The following POTEJ variants were observed in gnomAD, a reference collection of about 807,000 sequenced individuals.
POTEJ encodes POTE ankyrin domain family, member J.
POTEJ carries 11 observed loss-of-function variants against 69.0 expected under a neutral mutation model. The observed-to-expected ratio is 0.16, with a 90% confidence interval of 0.10 to 0.26. The LOEUF (loss-of-function observed/expected upper bound fraction) is 0.26, where lower values mean the gene tolerates loss of function less well. Among genes scored for constraint, POTEJ ranks in the 10% least tolerant of loss-of-function variants. POTEJ has a pLI of 1.00. For missense variants in POTEJ, 327 were observed against 1,045.5 expected (o/e 0.31, Z 9.48); for synonymous variants, 117 against 381.1 (o/e 0.31, Z 8.07).
rs117510452 is a variant in POTEJ, at chr2:130,656,585, C to A, written c.1825C>A (p.His609Asn). The A allele has an allele frequency of 0.017, 27,722 of 1,605,496 alleles. 2 individuals are homozygous for A. Among genetic ancestry groups the A allele is most frequent in the East Asian group, 0.15 (6,725 of 44,264 alleles). ...LSCKKERDFLHENSMLREEIA... is the reference protein window; with the variant it reads ...LSCKKERDFLNENSMLREEIA... ...TTGTAAGAAAGAAAGAGACTTCTTG[C>A]ATGAAAATAGTATGTTGCGGGAAGA... Residue 609 changes from histidine (H) to asparagine (N), a missense_variant, in exon 15 of 15, where the codon CAT becomes AAT. Transcript: ENST00000409602.
chr2:130,636,468 T>C (rs1349235873), intron 9 of POTEJ, among the ~76,000 whole-genome samples: 2 of 145,418 alleles, frequency 1.4e-5, no homozygotes, highest in East Asian at 3.9e-4. Flanking sequence ...AAATAAAAGG[T>C]TTTTTGTATT....
chr2:130,613,265 CATATATATACATATGT>C lies in POTEJ; in HGVS notation c.410+1331_410+1346del, dbSNP rs1437599909. On this transcript the variant is annotated intron_variant, in intron 1 of 14. Transcript: ENST00000409602. ...ATATACATATATATACACATATATA[CATATATATACATATGT>C]ATATATACATATATATACATATGTA... Among the ~76,000 whole-genome samples the C allele has an allele frequency of 1.3e-3, 73 of 58,112 alleles. 2 individuals carry two copies. The highest frequency in any genetic ancestry group is 9.5e-3 in the African/African-American group (62 of 6,528). 38.1% of individuals were successfully genotyped at this position (58,112 alleles called of 152,430 possible).
rs537219664 is a variant in POTEJ at position 130,657,067 on chromosome 2, C to T, written c.2307C>T (p.Thr769=). ...CCGAGGAGCACCCCATCCTGCTGACCGAGGCCCCCCTGAACCCCAAGGCCA... is the reference window on the plus strand; with the variant it reads ...CCGAGGAGCACCCCATCCTGCTGACTGAGGCCCCCCTGAACCCCAAGGCCA... ...VAPEEHPILL[T]EAPLNPKANR... is the part of the protein sequence containing the mutation. The change falls in exon 15 of 15, where the codon ACC becomes ACT. Residue 769 remains threonine (T), a synonymous_variant. Coordinates refer to ENST00000409602, the MANE Select transcript of POTEJ (RefSeq NM_001277083.2). The T allele has an allele frequency of 6.4e-3, 10,071 of 1,579,786 alleles. 1,445 individuals are homozygous for T. The African/African-American group carries it at 0.13, about 20-fold the overall frequency.
At chr2:130,651,982 C>G (rs1374087264) in intron 13 of POTEJ, among the ~76,000 whole-genome samples, 2 of 132,436 alleles carry the variant, frequency 1.5e-5, no homozygotes, top group South Asian at 2.3e-4. Flanking sequence ...ATACCCCCCC[C>G]CAATAGTTTG....
intron 14 of POTEJ, among the ~76,000 whole-genome samples, chr2:130,655,958 G>T (rs1201106972): frequency 7.1e-6 from 1 of 139,908 alleles, no homozygotes; most frequent in Non-Finnish European, 1.5e-5. Context: ...AGTGTAGAAG[G>T]GTACAGTGCT....
At chr2:130,647,961 T>G (rs1230952588) in intron 13 of POTEJ, among the ~76,000 whole-genome samples, 6 of 146,662 alleles carry the variant, frequency 4.1e-5, no homozygotes, top group Non-Finnish European at 9.1e-5. Context: ...CTTCATATGA[T>G]TTTGAAAACT....
At chr2:130,655,543 C>T (rs2105266582) in intron 14 of POTEJ, among the ~76,000 whole-genome samples, 1 of 152,358 alleles carries the variant, frequency 6.6e-6, no homozygotes, top group African/African-American at 2.4e-5. Context: ...AAAACAATGA[C>T]ATGCCATGAT....
intron 8 of POTEJ, among the ~76,000 whole-genome samples, chr2:130,632,120 T>C (rs1685926477): frequency 6.7e-6 from 1 of 150,108 alleles, no homozygotes; most frequent in South Asian, 2.1e-4. Flanking sequence ...AGAAGACACA[T>C]TTTGCATCTT....
At chr2:130,644,406 C>G (rs1249812781) in intron 11 of POTEJ, among the ~76,000 whole-genome samples, 1 of 151,608 alleles carries the variant, frequency 6.6e-6, no homozygotes, top group Non-Finnish European at 1.5e-5. Flanking sequence ...GGAGAGGGAG[C>G]TTGCAGTGAG....
chr2:130,612,387 A>C (rs1346782830), intron 1 of POTEJ, among the ~76,000 whole-genome samples: 2 of 149,352 alleles, frequency 1.3e-5, no homozygotes, highest in African/African-American at 2.5e-5. Flanking sequence ...CTATGTAAAT[A>C]CGTTCTTTAC....
At chr2:130,632,688 A>G in intron 9 of POTEJ, 32 bp downstream of exon 9, 1 of 750,334 alleles carries the variant, frequency 1.3e-6, no homozygotes. Context: ...ACAGGAGATA[A>G]CTATGTGCTG....
chr2:130,626,717 T>G (rs1476329490), intron 6 of POTEJ, among the ~76,000 whole-genome samples: 4 of 152,184 alleles, frequency 2.6e-5, no homozygotes, highest in African/African-American at 9.7e-5. Flanking sequence ...AGCTATAGTT[T>G]CCTTGTCATA....
At chr2:130,625,807 A>C (rs1685684443) in intron 6 of POTEJ, among the ~76,000 whole-genome samples, 1 of 137,104 alleles carries the variant, frequency 7.3e-6, no homozygotes, top group Non-Finnish European at 1.6e-5. Context: ...TTTATGATAT[A>C]CTTTTTAATA....
rs528967613 is a variant in POTEJ at position 130,633,742 on chromosome 2, T to C, written c.1298+1086T>C. ...TGAAATATTGGACCCTCAATCTGAA[T>C]ATTGCCAAGGGATTGTACATGGGGA... On this transcript the variant is annotated intron_variant, in intron 9 of 14. Coordinates refer to ENST00000409602, the MANE Select transcript of POTEJ (RefSeq NM_001277083.2). Among the ~76,000 whole-genome samples, 13 of 143,074 alleles carry C rather than the reference T, an allele frequency of 9.1e-5. No individual in the cohort carries two copies. In the South Asian group the frequency reaches 2.3e-3, roughly 26 times the overall value. 93.9% of individuals were successfully genotyped at this position (143,074 alleles called of 152,430 possible).
At chr2:130,633,000 C>T (rs1685963804) in intron 9 of POTEJ, among the ~76,000 whole-genome samples, 1 of 147,270 alleles carries the variant, frequency 6.8e-6, no homozygotes, top group Admixed American at 6.7e-5. Context: ...ACATAATAAG[C>T]AAAACACCAA....
chr2:130,646,514 A>G (rs75781547), intron 13 of POTEJ, among the ~76,000 whole-genome samples: 28,894 of 110,598 alleles, frequency 0.26, 8,003 homozygotes, highest in African/African-American at 0.74. Flanking sequence ...ACCAGTATTG[A>G]CAAATGTGAG....
intron 10 of POTEJ, among the ~76,000 whole-genome samples, chr2:130,643,675 G>A (rs1686480703): frequency 7.5e-6 from 1 of 132,842 alleles, no homozygotes; most frequent in Middle Eastern, 4.0e-3. Context: ...AGTACACTGT[G>A]TCACCTTATA....
intron 4 of POTEJ, among the ~76,000 whole-genome samples, chr2:130,621,039 G>GACT: frequency 7.6e-6 from 1 of 131,384 alleles, no homozygotes; most frequent in Non-Finnish European, 1.6e-5. Context: ...AAACTCCTAT[G>GACT]ACTACTATTC....
In POTEJ at chr2:130,644,052, A is replaced by G. The variant is rs1686492231; in HGVS notation, c.1439A>G (p.Glu480Gly). The G allele has an allele frequency of 4.5e-6, 1 of 219,864 alleles. No homozygotes were observed. The highest frequency in any genetic ancestry group is 8.3e-6 in the Non-Finnish European group (1 of 121,116). 13.6% of individuals were successfully genotyped at this position (219,864 alleles called of 1,614,324 possible). ...RLKGSENGQP[E>G]KRSQEPEINK... ...AAAGGCAGTGAAAATGGCCAGCCAG[A>G]GGCATGGAAACTTTTAAATTTAAAC... Residue 480 changes from glutamate to glycine, a missense_variant and splice_region_variant, in exon 11 of 15, where the codon GAG becomes GGG. Glu to Gly is a moderately conservative substitution (Grantham distance 98, BLOSUM62 -2). Coordinates refer to ENST00000409602, the MANE Select transcript of POTEJ (RefSeq NM_001277083.2).
Sources: allele counts gnomAD v4.1 joint callset (sites outside exome capture counted in the v4.1 genomes callset), GRCh38; gene constraint gnomAD v4.1.1; transcripts MANE v1.5; gene names NCBI Gene and HGNC (gene_info 2026-07-23, HGNC 2026-07-21).